SCUBE1: variants seen among roughly 807,000 people sequenced by gnomAD.
SCUBE1 encodes signal peptide, CUB domain and EGF like domain containing 1.
A neutral mutation model predicts 124.4 loss-of-function variants in SCUBE1; 59 were observed. The observed-to-expected ratio is 0.47, with a 90% CI of 0.38 to 0.59. The LOEUF is 0.59. SCUBE1 is among the 20% of genes least tolerant of loss of function. The pLI, the probability that SCUBE1 is intolerant of heterozygous loss-of-function variation, is 0.00. For synonymous variants in SCUBE1, 545 were observed against 550.9 expected (o/e 0.99, Z 0.15); for missense variants, 1,150 against 1,371.2 (o/e 0.84, Z 2.55).
intron 2 of SCUBE1, among the ~76,000 whole-genome samples, chr22:43,328,348 G>A (rs1197445855): frequency 3.3e-5 from 5 of 152,112 alleles, no homozygotes; most frequent in Admixed American, 3.3e-4. Context: ...CTCAGTCAAG[G>A]CCCCTATTCC....
chr22:43,255,276 T>C lies in SCUBE1; in HGVS notation c.727+2943A>G, dbSNP rs528717786. 6.6e-6 allele frequency among the ~76,000 whole-genome samples: 1 copy of C among 152,272 alleles called. No individual in the cohort carries two copies. Among genetic ancestry groups the C allele is most frequent in the East Asian group, 1.9e-4 (1 of 5,178 alleles). ...AAAAAGGAAAAAGTGAGTTCACACC[T>C]GGAGTGGAGCCCCCCGCACTCACAC... On this transcript the variant is annotated intron_variant, in intron 6 of 21. Transcript: ENST00000360835. The surrounding 1 kb of genome is among the most constrained non-coding windows in gnomAD (Gnocchi z 4.7).
At chr22:43,311,284 T>A (rs1450883038) in intron 3 of SCUBE1, among the ~76,000 whole-genome samples, 2 of 152,178 alleles carry the variant, frequency 1.3e-5, no homozygotes, top group South Asian at 2.1e-4. Flanking sequence ...AGCAGGGAGA[T>A]GTTGTAGCCT....
chr22:43,214,618 T>C (rs1266434154), intron 15 of SCUBE1, among the ~76,000 whole-genome samples: 1 of 152,172 alleles, frequency 6.6e-6, no homozygotes, highest in Non-Finnish European at 1.5e-5. Context: ...CACTTGGATA[T>C]GCTACAGTCA....
chr22:43,308,435 A>G (rs1926054298), intron 3 of SCUBE1, among the ~76,000 whole-genome samples: 1 of 152,248 alleles, frequency 6.6e-6, no homozygotes, highest in African/African-American at 2.4e-5. Flanking sequence ...ATGACTGTCC[A>G]AAGCTGTTTA....
chr22:43,290,731 T>TG (rs1925326191), intron 4 of SCUBE1, among the ~76,000 whole-genome samples: 1 of 152,160 alleles, frequency 6.6e-6, no homozygotes, highest in Admixed American at 6.5e-5. Flanking sequence ...CCATGGAGAA[T>TG]GGGGCCCCAC....
intron 2 of SCUBE1, among the ~76,000 whole-genome samples, chr22:43,329,780 C>G (rs1350907355): frequency 1.3e-5 from 2 of 152,226 alleles, no homozygotes; most frequent in Non-Finnish European, 2.9e-5. Context: ...GGCCCCGAGT[C>G]CTCTTTGTCT....
At chr22:43,205,326 C>T (rs896327695) in intron 21 of SCUBE1, among the ~76,000 whole-genome samples, 6 of 152,030 alleles carry the variant, frequency 3.9e-5, no homozygotes, top group Non-Finnish European at 7.4e-5. Context: ...TCTCTGAGCC[C>T]CAGTGTCTCG....
intron 4 of SCUBE1, among the ~76,000 whole-genome samples, chr22:43,284,157 C>T (rs188576309): frequency 2.0e-5 from 3 of 152,330 alleles, no homozygotes; most frequent in East Asian, 1.9e-4. Context: ...AGAGCAGTGT[C>T]GAAAGAAAAG....
chr22:43,327,921 G>A (rs1926779534), intron 2 of SCUBE1, among the ~76,000 whole-genome samples: 1 of 152,172 alleles, frequency 6.6e-6, no homozygotes, highest in Admixed American at 6.5e-5. Context: ...ATTATATCGC[G>A]ATAAAGCTGT....
chr22:43,280,446 T>TTCCCCTCACCCATCCCCC (rs1924736210), intron 4 of SCUBE1, among the ~76,000 whole-genome samples: 1 of 43,894 alleles, frequency 2.3e-5, no homozygotes. Context: ...CCCATCCCCC[T>TTCCCCTCACCCATCCCCC]GTCCCTTCCC....
chr22:43,294,589 A>G (rs1283456304), intron 3 of SCUBE1, among the ~76,000 whole-genome samples: 2 of 152,336 alleles, frequency 1.3e-5, no homozygotes, highest in East Asian at 3.9e-4. Context: ...CACACCTGGG[A>G]GTCAGGCTCC....
At chr22:43,224,546 T>A (rs1426192960) in intron 10 of SCUBE1, among the ~76,000 whole-genome samples, 1 of 152,230 alleles carries the variant, frequency 6.6e-6, no homozygotes, top group Non-Finnish European at 1.5e-5. Flanking sequence ...CAATCCAAGC[T>A]GGCCCCCAGG....
Position 43,281,484 on chromosome 22 carries a change from C to T in SCUBE1, c.484+9562G>A, listed in dbSNP as rs1312861841. ...TCAGCCACCCTCCTGTCACCTCCCTCTTTGGCCACCCTCCTGTCACCTCCT... is the reference window on the plus strand; with the variant it reads ...TCAGCCACCCTCCTGTCACCTCCCTTTTTGGCCACCCTCCTGTCACCTCCT... On this transcript the variant is annotated intron_variant, in intron 4 of 21. Transcript: ENST00000360835. Among the ~76,000 whole-genome samples the T allele has an allele frequency of 1.3e-4, 13 of 100,118 alleles. 2 individuals carry two copies. The highest frequency in any genetic ancestry group is 7.7e-4 in the African/African-American group (11 of 14,290). The allele number at this position is 100,118 out of a possible 152,430, so 65.7% of individuals were successfully genotyped here.
At chr22:43,318,768 C>G (rs11913326) in intron 3 of SCUBE1, among the ~76,000 whole-genome samples, 2 of 152,102 alleles carry the variant, frequency 1.3e-5, no homozygotes, top group Non-Finnish European at 2.9e-5. Flanking sequence ...TCACTCTTGT[C>G]GCCCGGGCTG....
At chr22:43,239,006 G>C (rs369940928) in intron 6 of SCUBE1, 52 bp from the exon 7 acceptor site, 1 of 1,431,318 alleles carries the variant, frequency 7.0e-7, no homozygotes, top group Non-Finnish European at 9.8e-7. Flanking sequence ...GAAGCCACTG[G>C]CTTTCCCCTT....
At chr22:43,246,268 C>T (rs567901944) in intron 6 of SCUBE1, among the ~76,000 whole-genome samples, 1 of 152,256 alleles carries the variant, frequency 6.6e-6, no homozygotes, top group East Asian at 1.9e-4. Context: ...CAAGGGGGCT[C>T]CCCTGTGGGT....
chr22:43,260,408 G>A (rs186504319), intron 5 of SCUBE1, among the ~76,000 whole-genome samples: 116 of 152,338 alleles, frequency 7.6e-4, no homozygotes, highest in South Asian at 1.2e-3. Context: ...CTCTAGCTCC[G>A]GCCCTGGAGT....
rs150238981 is a variant in SCUBE1 at position 43,214,167 on chromosome 22, C to T, written c.1976G>A (p.Gly659Asp). The T allele has an allele frequency of 5.0e-6, 8 of 1,612,716 alleles. No homozygotes were observed. The highest frequency in any genetic ancestry group is 2.2e-5 in the South Asian group (2 of 91,068). ...CMPGTYQDME[G>D]QLSCTPCPSS... ...GGGGCACGGTGTGCAACTGAGCTGG[C>T]CTTCCATGTCCTGGTATGTTCCTGG... The change falls in exon 16 of 22, where the codon GGC (glycine) becomes GAC (aspartate). Residue 659 changes from glycine to aspartate, a missense_variant. By Grantham distance (94) the Gly-to-Asp change is moderately conservative. Around this residue, in one of 3 missense-constraint regions of SCUBE1, gnomAD observed 757 missense variants for 840.9 expected, o/e 0.90. Transcript: ENST00000360835.
At chr22:43,313,481 T>G (rs1926239755) in intron 3 of SCUBE1, among the ~76,000 whole-genome samples, 1 of 152,252 alleles carries the variant, frequency 6.6e-6, no homozygotes, top group African/African-American at 2.4e-5. Context: ...ACTGCTGGTT[T>G]TAATTTAAGA....
Sources: allele counts gnomAD v4.1 joint callset (sites outside exome capture counted in the v4.1 genomes callset), GRCh38; gene constraint gnomAD v4.1.1; regional missense constraint gnomAD v4.1.1; non-coding constraint Gnocchi (gnomAD v3.1); transcripts MANE v1.5; gene names NCBI Gene and HGNC (gene_info 2026-07-23, HGNC 2026-07-21).